Variants in MBNL2 observed in about 807,000 individuals in gnomAD.
MBNL2 encodes the protein muscleblind like splicing regulator 2.
Under a neutral mutation model 41.9 loss-of-function variants are expected in MBNL2, and 17 were observed. The observed-to-expected ratio is 0.41, with a 90% CI of 0.28 to 0.61. MBNL2 has a LOEUF of 0.61. Among genes scored for constraint, MBNL2 ranks in the 20% least tolerant of loss-of-function variants. The pLI, the probability that MBNL2 is intolerant of heterozygous loss-of-function variation, is 0.35. For synonymous variants in MBNL2, 195 were observed against 182.9 expected (o/e 1.07, Z -0.53); for missense variants, 336 against 505.6 (o/e 0.66, Z 3.22).
chr13:97,321,464 C>T (rs2059497515), intron 2 of MBNL2, among the ~76,000 whole-genome samples: 1 of 152,184 alleles, frequency 6.6e-6, no homozygotes, highest in African/African-American at 2.4e-5. Context: ...CATTATCATG[C>T]AAAGTCACTC....
chr13:97,305,774 A>AAAC (rs2058068947), intron 2 of MBNL2, among the ~76,000 whole-genome samples: 1 of 151,874 alleles, frequency 6.6e-6, no homozygotes, highest in Admixed American at 6.6e-5. Context: ...GTCTCAAAAC[A>AAAC]AACAAACAAA....
chr13:97,331,460 T>C (rs929202382), intron 2 of MBNL2, among the ~76,000 whole-genome samples: 2 of 152,232 alleles, frequency 1.3e-5, no homozygotes, highest in Non-Finnish European at 2.9e-5. Context: ...TATATACATA[T>C]CTTATTATAT....
At chr13:97,189,596 A>G in the MBNL2 span, among the ~76,000 whole-genome samples, 3 of 152,236 alleles carry the variant, frequency 2.0e-5, no homozygotes, top group Admixed American at 2.0e-4. Flanking sequence ...ACATTCCTGT[A>G]TATATGCATG....
At chr13:97,336,622 G>A (rs2060906310) in intron 3 of MBNL2, among the ~76,000 whole-genome samples, 1 of 152,114 alleles carries the variant, frequency 6.6e-6, no homozygotes, top group South Asian at 2.1e-4. Flanking sequence ...CCAGAAGATG[G>A]AAGAGTCAAG....
chr13:97,218,443 A>ACAAACAAAC (rs1555302270), upstream of MBNL2, among the ~76,000 whole-genome samples: 97 of 143,540 alleles, frequency 6.8e-4, 1 homozygote, highest in African/African-American at 2.5e-3. Context: ...AACAAAACAA[A>ACAAACAAAC]AAAAAAAAAC....
Position 97,334,980 on chromosome 13 carries a change from A to G in MBNL2, c.339+540A>G, listed in dbSNP as rs981170921. 6.6e-6 allele frequency among the ~76,000 whole-genome samples: 1 copy of G among 152,164 alleles called. No individual in the cohort carries two copies. Among genetic ancestry groups the G allele is most frequent in the Non-Finnish European group, 1.5e-5 (1 of 68,030 alleles). On this transcript the variant is annotated intron_variant, in intron 3 of 8. Coordinates refer to ENST00000679496, the MANE Select transcript of MBNL2 (RefSeq NM_001382683.1). This position sits in a 1 kb window ranked among gnomAD's most constrained non-coding sequence, Gnocchi z 5.3. The stretch of plus-strand genomic sequence containing the variant: ...AGGAAGATCCTAGTAACAGCCCCCA[A>G]AGAAGGATGTCAAATGCAGCAACAC...
chr13:97,259,070 C>T (rs745745919), intron 1 of MBNL2, among the ~76,000 whole-genome samples: 6 of 152,196 alleles, frequency 3.9e-5, no homozygotes, highest in Non-Finnish European at 7.3e-5. Flanking sequence ...GGAGCTTAGC[C>T]TTAATGAGAA....
At chr13:97,371,202 CA>C (rs2064341819) in intron 8 of MBNL2, among the ~76,000 whole-genome samples, 1 of 152,088 alleles carries the variant, frequency 6.6e-6, no homozygotes, top group Admixed American at 6.5e-5. Context: ...AAATAATTTT[CA>C]AATAAATATA....
the MBNL2 span, among the ~76,000 whole-genome samples, chr13:97,197,856 TATTTA>T: frequency 6.6e-6 from 1 of 152,344 alleles, no homozygotes; most frequent in East Asian, 1.9e-4. Flanking sequence ...TGTTTTTATT[TATTTA>T]ATTCTATGGC....
intron 8 of MBNL2, among the ~76,000 whole-genome samples, chr13:97,379,370 T>A (rs1363186789): frequency 6.6e-6 from 1 of 152,164 alleles, no homozygotes; most frequent in Non-Finnish European, 1.5e-5. Context: ...AAAAGAGTCC[T>A]CTCAATCGAG....
intron 2 of MBNL2, among the ~76,000 whole-genome samples, chr13:97,332,491 A>G (rs1480765806): frequency 1.3e-5 from 2 of 152,218 alleles, no homozygotes; most frequent in African/African-American, 4.8e-5. Context: ...GAAGAAAAGG[A>G]AGTAAAGTAA....
At chr13:97,352,785 G>A (rs548946919) in intron 5 of MBNL2, among the ~76,000 whole-genome samples, 1 of 152,342 alleles carries the variant, frequency 6.6e-6, no homozygotes, top group South Asian at 2.1e-4. Flanking sequence ...ACCTATGCCT[G>A]TACTTATTAA....
intron 2 of MBNL2, among the ~76,000 whole-genome samples, chr13:97,293,944 T>G (rs1029854862): frequency 5.3e-5 from 8 of 152,086 alleles, no homozygotes; most frequent in Admixed American, 1.3e-4. Context: ...GTTGTATCCC[T>G]TACCCCTTCC....
chr13:97,220,647 A>C (rs2040777490), upstream of MBNL2, among the ~76,000 whole-genome samples: 1 of 152,142 alleles, frequency 6.6e-6, no homozygotes, highest in Admixed American at 6.5e-5. Flanking sequence ...AGGGAGCTTG[A>C]AGATGAGGAG....
chr13:97,173,427 GT>G, the MBNL2 span, among the ~76,000 whole-genome samples: 1 of 152,224 alleles, frequency 6.6e-6, no homozygotes, highest in African/African-American at 2.4e-5. Context: ...GAAGGACTTA[GT>G]GCACAAATGA....
At chr13:97,158,244 T>C in the MBNL2 span, among the ~76,000 whole-genome samples, 1 of 151,446 alleles carries the variant, frequency 6.6e-6, no homozygotes, top group East Asian at 1.9e-4. Flanking sequence ...TGGTGATATC[T>C]CCTTTATCAT....
chr13:97,179,890 G>A, the MBNL2 span, among the ~76,000 whole-genome samples: 1 of 152,212 alleles, frequency 6.6e-6, no homozygotes, highest in Non-Finnish European at 1.5e-5. Flanking sequence ...ATGGGCAAGG[G>A]CCAGATGTCA....
At chr13:97,223,985 A>T (rs72637442) in intron 1 of MBNL2, among the ~76,000 whole-genome samples, 2,396 of 152,260 alleles carry the variant, frequency 0.016, 25 homozygotes, top group Non-Finnish European at 0.025. Context: ...GACTTAAGTT[A>T]TGTCTTTATA....
chr13:97,200,055 T>C, the MBNL2 span, among the ~76,000 whole-genome samples: 8 of 152,334 alleles, frequency 5.3e-5, no homozygotes, highest in African/African-American at 1.9e-4. Flanking sequence ...TCTACATTGA[T>C]GAATTGAAGC....
Sources: allele counts gnomAD v4.1 joint callset (sites outside exome capture counted in the v4.1 genomes callset), GRCh38; gene constraint gnomAD v4.1.1; non-coding constraint Gnocchi (gnomAD v3.1); transcripts MANE v1.5; gene names NCBI Gene and HGNC (gene_info 2026-07-23, HGNC 2026-07-21).